CAMTA1: variants seen among roughly 807,000 people sequenced by gnomAD.
The protein encoded by CAMTA1 is calmodulin-binding transcription activator 1.
In CAMTA1, 27 loss-of-function variants were observed where a neutral mutation model predicts 170.9. That is an observed-to-expected ratio of 0.16 (90% CI 0.12 to 0.22). CAMTA1 has a LOEUF of 0.22. Among genes scored for constraint, CAMTA1 ranks in the 10% least tolerant of loss-of-function variants. The pLI is 1.00. For missense variants in CAMTA1, 1,619 were observed against 2,217.2 expected (o/e 0.73, Z 5.42); for synonymous variants, 833 against 891.5 (o/e 0.93, Z 1.17).
At chr1:7,509,335 A>C (rs1575713064) in intron 6 of CAMTA1, among the ~76,000 whole-genome samples, 1 of 152,220 alleles carries the variant, frequency 6.6e-6, no homozygotes, top group African/African-American at 2.4e-5. Context: ...AGCGCTGGCC[A>C]GATGACAGAG....
chr1:7,145,693 G>A (rs1461630284), intron 4 of CAMTA1, among the ~76,000 whole-genome samples: 1 of 152,210 alleles, frequency 6.6e-6, no homozygotes, highest in Non-Finnish European at 1.5e-5. Flanking sequence ...ATTGCATAGA[G>A]CTGTAGTAAC....
intron 3 of CAMTA1, among the ~76,000 whole-genome samples, chr1:6,840,892 T>C (rs1655401217): frequency 6.6e-6 from 1 of 152,204 alleles, no homozygotes; most frequent in Non-Finnish European, 1.5e-5. Context: ...TGTTTGCTAC[T>C]GTAACCAGTT....
intron 1 of CAMTA1, among the ~76,000 whole-genome samples, chr1:6,787,482 G>T (rs537302939): frequency 6.6e-6 from 1 of 152,286 alleles, no homozygotes; most frequent in African/African-American, 2.4e-5. Flanking sequence ...ATACATACAT[G>T]TAGGTATACA....
chr1:7,327,328 A>T (rs930807594), intron 5 of CAMTA1, among the ~76,000 whole-genome samples: 27 of 148,148 alleles, frequency 1.8e-4, no homozygotes, highest in African/African-American at 6.7e-4. Flanking sequence ...AATGGCATGA[A>T]CCCGGGAGAC....
In CAMTA1 at chr1:6,874,327, C is replaced by G. The variant is rs1422509275; in HGVS notation, c.234+49117C>G. 2.0e-5 allele frequency: 3 copies of G among 152,458 alleles called. No homozygotes were observed. In the East Asian group the frequency reaches 5.8e-4, roughly 29 times the overall value. The allele number at this position is 152,458 out of a possible 1,614,324, so 9.4% of individuals were successfully genotyped here. On this transcript the variant is annotated intron_variant, in intron 3 of 22. Transcript: ENST00000303635. ...GTTCGAATCCCACCTCGACCTCTTGCAAGTGGTCTGACCACAGCAAATCAC... is the reference window on the plus strand; with the variant it reads ...GTTCGAATCCCACCTCGACCTCTTGGAAGTGGTCTGACCACAGCAAATCAC...
chr1:7,447,052 C>T lies in CAMTA1; in HGVS notation c.439-20778C>T, dbSNP rs922858714. On this transcript the variant is annotated intron_variant, in intron 5 of 22. Transcript: ENST00000303635. ...GGAGGAGTCAAGGTGGAGACCGTCC[C>T]GTGCACTGGAGGATGCGGCTCCCAC... 7.9e-5 allele frequency among the ~76,000 whole-genome samples: 12 copies of T among 152,190 alleles called. 1 individual carries two copies. In the South Asian group the frequency reaches 1.0e-3, roughly 13 times the overall value.
chr1:7,706,731 TGA>T (rs962101653), intron 11 of CAMTA1, among the ~76,000 whole-genome samples: 5 of 152,218 alleles, frequency 3.3e-5, no homozygotes, highest in African/African-American at 1.2e-4. Flanking sequence ...TGTGTATTCC[TGA>T]GAGACCTTGA....
chr1:7,409,604 G>A (rs887073749), intron 5 of CAMTA1, among the ~76,000 whole-genome samples: 2 of 152,144 alleles, frequency 1.3e-5, no homozygotes, highest in African/African-American at 4.8e-5. Flanking sequence ...CTTCCCACTT[G>A]ACTGTGCTGA....
intron 4 of CAMTA1, among the ~76,000 whole-genome samples, chr1:7,153,385 C>T (rs532021760): frequency 1.3e-5 from 2 of 152,244 alleles, no homozygotes; most frequent in South Asian, 4.1e-4. Context: ...CACACACCTG[C>T]TGTCCAAACT....
intron 5 of CAMTA1, among the ~76,000 whole-genome samples, chr1:7,458,201 T>G (rs1428880502): frequency 6.6e-6 from 1 of 152,192 alleles, no homozygotes; most frequent in Non-Finnish European, 1.5e-5. Context: ...TGGTCCCCTG[T>G]GTCCCTCCAG....
intron 6 of CAMTA1, among the ~76,000 whole-genome samples, chr1:7,486,535 T>G (rs564810915): frequency 6.6e-6 from 1 of 152,328 alleles, no homozygotes; most frequent in African/African-American, 2.4e-5. Context: ...GGGCAAGTCA[T>G]CTGTCGCCAT....
chr1:7,766,593 GCACA>G lies in CAMTA1; in HGVS notation c.*112_*115del, dbSNP rs145183030. On this transcript the variant is annotated 3_prime_UTR_variant, in exon 23 of 23. Transcript: ENST00000303635. ...GCAACAACAACACACACGCACACACGCACACACACACACGTACACACACATACAA... is the reference window on the plus strand; with the variant it reads ...GCAACAACAACACACACGCACACACGCACACACACGTACACACACATACAA... 2.0e-5 allele frequency: 18 copies of G among 911,886 alleles called. No homozygotes were observed. Among genetic ancestry groups the G allele is most frequent in the South Asian group, 8.4e-5 (6 of 71,648 alleles). The allele number at this position is 911,886 out of a possible 1,614,324, so 56.5% of individuals were successfully genotyped here. A position where few individuals can be genotyped will look rare whatever the true frequency, so the allele number is the denominator to read the frequency against.
Position 7,602,566 on chromosome 1 carries a change from C to T in CAMTA1, c.511-37834C>T, listed in dbSNP as rs191109365. On this transcript the variant is annotated intron_variant, in intron 6 of 22. Coordinates refer to ENST00000303635, the MANE Select transcript of CAMTA1 (RefSeq NM_015215.4). ...TCTCTTTTCTTCTGTATTAGTCTTGCTAGCGGTCTATCAATTTTGTTGATC... is the reference window on the plus strand; with the variant it reads ...TCTCTTTTCTTCTGTATTAGTCTTGTTAGCGGTCTATCAATTTTGTTGATC... Among the ~76,000 whole-genome samples the T allele has an allele frequency of 6.5e-3, 994 of 152,230 alleles. 13 individuals are homozygous for T. Among genetic ancestry groups the T allele is most frequent in the African/African-American group, 0.022 (931 of 41,530 alleles).
At chr1:7,039,329 C>T (rs1166214537) in intron 3 of CAMTA1, among the ~76,000 whole-genome samples, 1 of 152,158 alleles carries the variant, frequency 6.6e-6, no homozygotes, top group African/African-American at 2.4e-5. Flanking sequence ...CCTTGCAAAG[C>T]TACAAAATGC....
chr1:7,412,226 C>T (rs1245201244), intron 5 of CAMTA1, among the ~76,000 whole-genome samples: 18 of 152,134 alleles, frequency 1.2e-4, no homozygotes, highest in African/African-American at 2.9e-4. Context: ...CATACGTGTG[C>T]GTGTGTCTTT....
chr1:6,983,037 T>C (rs1219759572), intron 3 of CAMTA1, among the ~76,000 whole-genome samples: 1 of 152,146 alleles, frequency 6.6e-6, no homozygotes, highest in Non-Finnish European at 1.5e-5. Flanking sequence ...AAACTTACCT[T>C]GATGATTCAT....
chr1:7,238,878 A>C (rs1664362980), intron 4 of CAMTA1, among the ~76,000 whole-genome samples: 1 of 152,224 alleles, frequency 6.6e-6, no homozygotes, highest in African/African-American at 2.4e-5. Flanking sequence ...GCGAGACTCC[A>C]TCTCAAAACA....
intron 5 of CAMTA1, among the ~76,000 whole-genome samples, chr1:7,273,975 G>T (rs1196923665): frequency 6.6e-6 from 1 of 152,072 alleles, no homozygotes; most frequent in African/African-American, 2.4e-5. Context: ...AAAATGAAGA[G>T]ATATAGGAAT....
At chr1:7,208,978 G>A (rs778323102) in intron 4 of CAMTA1, among the ~76,000 whole-genome samples, 3 of 152,300 alleles carry the variant, frequency 2.0e-5, no homozygotes, top group South Asian at 2.1e-4. Flanking sequence ...GGGTGGGGCC[G>A]TGGAGACACC....
Sources: gnomAD v4.1 joint callset for allele counts (sites outside exome capture counted in the v4.1 genomes callset) on GRCh38, gnomAD v4.1.1 for gene constraint, MANE v1.5 for transcripts, NCBI Gene and HGNC (gene_info 2026-07-23, HGNC 2026-07-21) for gene names.